The following ATF2 variants were observed in gnomAD, a reference collection of about 807,000 sequenced individuals.
ATF2 encodes activating transcription factor 2, also known as cyclic AMP-dependent transcription factor ATF-2.
In ATF2, 24 loss-of-function variants were observed where a neutral mutation model predicts 60.6. The observed-to-expected ratio is 0.40, with a 90% CI of 0.29 to 0.56. The LOEUF is 0.56. Ranked by LOEUF, ATF2 falls within the 20% of genes least tolerant of loss-of-function variation. The pLI, the probability that ATF2 is intolerant of heterozygous loss-of-function variation, is 0.54. For synonymous variants in ATF2, 206 were observed against 215.4 expected, an observed-to-expected ratio of 0.96 and a Z score of 0.38; for missense variants, 433 against 607.7, an observed-to-expected ratio of 0.71 and a Z score of 3.02.
At chr2:175,107,691 G>C (rs527601585) in intron 10 of ATF2, among the ~76,000 whole-genome samples, 32 of 152,326 alleles carry the variant, frequency 2.1e-4, no homozygotes, top group African/African-American at 7.7e-4. Context: ...ACAGCAGGCC[G>C]AGTGCCTGCG....
At chr2:175,089,357 T>C (rs1249090326) in intron 12 of ATF2, among the ~76,000 whole-genome samples, 1 of 152,150 alleles carries the variant, frequency 6.6e-6, no homozygotes, top group African/African-American at 2.4e-5. Flanking sequence ...AGGCCTAATA[T>C]GTATTTGGTA....
chr2:175,107,376 A>G (rs1392540741), intron 10 of ATF2, among the ~76,000 whole-genome samples: 1 of 152,214 alleles, frequency 6.6e-6, no homozygotes, highest in Non-Finnish European at 1.5e-5. Context: ...TTATAAAGTT[A>G]AATGTATACC....
intron 12 of ATF2, among the ~76,000 whole-genome samples, chr2:175,085,085 G>C (rs1694058649): frequency 6.6e-6 from 1 of 152,132 alleles, no homozygotes; most frequent in African/African-American, 2.4e-5. Flanking sequence ...ATATTATGTA[G>C]TATCACCTCA....
At chr2:175,167,596 G>A (rs1234316118) in intron 1 of ATF2, 1 of 475,606 alleles carries the variant, frequency 2.1e-6, no homozygotes. Flanking sequence ...ACTGGGTGGG[G>A]AGACCAGAGT....
At chr2:175,165,147 A>C (rs1259578222) in intron 1 of ATF2, among the ~76,000 whole-genome samples, 2 of 152,118 alleles carry the variant, frequency 1.3e-5, no homozygotes, top group East Asian at 3.9e-4. Flanking sequence ...TTTAGGGTAC[A>C]TTTTAATTAT....
At position 175,118,268 on chromosome 2, in the gene ATF2, CT is replaced by C; in HGVS notation, c.300del (p.Glu101LysfsTer9). The C allele has an allele frequency of 6.2e-7, 1 of 1,608,254 alleles. No individual in the cohort carries two copies. The highest frequency in any genetic ancestry group is 8.5e-7 in the Non-Finnish European group (1 of 1,177,458). On this transcript the variant is annotated frameshift_variant, in exon 6 of 14. Coordinates refer to ENST00000264110, the MANE Select transcript of ATF2 (RefSeq NM_001880.4). LOFTEE classifies it high-confidence loss of function. ...CAACATACTTTTTTAATGTCATCTT[CT>C]GAAGCTTTCTTGAATTCATTCTCAA... ...SPFENEFKKA[S>X]EDDIKKMPLD...
chr2:175,152,460 G>C (rs565277577), intron 1 of ATF2, among the ~76,000 whole-genome samples: 1 of 152,272 alleles, frequency 6.6e-6, no homozygotes, highest in Middle Eastern at 3.4e-3. Flanking sequence ...AGGTGAGAAT[G>C]AGTAAGAACC....
chr2:175,085,591 CACACACAA>C (rs1351770372), intron 12 of ATF2, among the ~76,000 whole-genome samples: 271 of 135,200 alleles, frequency 2.0e-3, no homozygotes, highest in African/African-American at 7.8e-3. Context: ...CACACACACA[CACACACAA>C]ATTCTCTCTT....
At chr2:175,127,806 T>C (rs1697441481) in intron 4 of ATF2, among the ~76,000 whole-genome samples, 1 of 152,176 alleles carries the variant, frequency 6.6e-6, no homozygotes, top group Admixed American at 6.5e-5. Context: ...CTGGTTAACC[T>C]ATCTAAAATT....
chr2:175,126,123 G>C (rs576680385), intron 4 of ATF2, among the ~76,000 whole-genome samples: 1 of 152,126 alleles, frequency 6.6e-6, no homozygotes, highest in Admixed American at 6.5e-5. Context: ...TCTTATCATA[G>C]TCTCTAAATT....
At chr2:175,117,563 G>A (rs779706916) in intron 7 of ATF2, among the ~76,000 whole-genome samples, 5 of 151,888 alleles carry the variant, frequency 3.3e-5, no homozygotes, top group Non-Finnish European at 7.4e-5. Context: ...TATCATCATC[G>A]TCCTAATTGC....
rs1411648612 is a variant in ATF2, at chr2:175,085,587, CACACACACACAA to C, written c.1186-4834_1186-4823del. ...ACACACACACACACACACACACACA[CACACACACACAA>C]ATTCTCTCTTTAAATAGACAGGTCT... is the stretch of plus-strand genomic sequence containing the variant. On this transcript the variant is annotated intron_variant, in intron 12 of 13. Transcript: ENST00000264110. 4.2e-3 allele frequency among the ~76,000 whole-genome samples: 631 copies of C among 151,138 alleles called. 5 individuals carry two copies. The highest frequency in any genetic ancestry group is 0.015 in the African/African-American group (603 of 40,928).
At chr2:175,101,377 A>C (rs1248952755) in intron 10 of ATF2, among the ~76,000 whole-genome samples, 1 of 152,332 alleles carries the variant, frequency 6.6e-6, no homozygotes, top group Admixed American at 6.5e-5. Context: ...TATATTTTAT[A>C]AATAGAATGT....
intron 10 of ATF2, among the ~76,000 whole-genome samples, chr2:175,110,930 C>T (rs991179672): frequency 5.3e-5 from 8 of 152,032 alleles, no homozygotes; most frequent in South Asian, 4.1e-4. Flanking sequence ...AAAATAGAAT[C>T]GTCAGATCTT....
At chr2:175,127,969 G>A (rs1303410988) in intron 4 of ATF2, among the ~76,000 whole-genome samples, 1 of 152,030 alleles carries the variant, frequency 6.6e-6, no homozygotes, top group Non-Finnish European at 1.5e-5. Flanking sequence ...GGACTAAATT[G>A]GAGAATTTAC....
intron 4 of ATF2, among the ~76,000 whole-genome samples, chr2:175,122,184 T>C (rs1697005604): frequency 6.6e-6 from 1 of 151,958 alleles, no homozygotes; most frequent in Non-Finnish European, 1.5e-5. Context: ...CAAAGTTGTT[T>C]TTAGAACATT....
chr2:175,140,743 C>T (rs1390767832), intron 2 of ATF2, among the ~76,000 whole-genome samples: 1 of 149,764 alleles, frequency 6.7e-6, no homozygotes, highest in East Asian at 2.0e-4. Flanking sequence ...AATGATAGCA[C>T]TTTGGGGTGC....
At position 175,074,705 on chromosome 2, in the gene ATF2, A is replaced by G. The variant is rs141304902; in HGVS notation, c.1422T>C (p.Thr474=). ...GGTCCGCCATCTGGGTGAGGACTGA[A>G]GTGGCTACAGCTTCTGCCTTGGAGG... The part of the protein sequence containing the change: ...SSTSKAEAVA[T]SVLTQMADQS... Residue 474 remains threonine (T), a synonymous_variant, in exon 14 of 14, where the codon ACT becomes ACC. Coordinates refer to ENST00000264110, the MANE Select transcript of ATF2 (RefSeq NM_001880.4). The G allele has an allele frequency of 1.7e-5, 27 of 1,613,324 alleles. No homozygotes were observed. In the Admixed American group the frequency reaches 3.5e-4, roughly 21 times the overall value.
intron 9 of ATF2, among the ~76,000 whole-genome samples, chr2:175,113,635 T>C (rs1455177682): frequency 6.6e-6 from 1 of 152,138 alleles, no homozygotes; most frequent in Non-Finnish European, 1.5e-5. Context: ...TGTGTCTTTA[T>C]AAACAATTTC....
Sources: gnomAD v4.1 joint callset for allele counts (sites outside exome capture counted in the v4.1 genomes callset) on GRCh38, gnomAD v4.1.1 for gene constraint, MANE v1.5 for transcripts, NCBI Gene and HGNC (gene_info 2026-07-23, HGNC 2026-07-21) for gene names.